Variants in ASTN2 observed in about 807,000 individuals in gnomAD.
ASTN2 encodes the protein astrotactin-2.
Under a neutral mutation model 139.8 loss-of-function variants are expected in ASTN2, and 54 were observed. The observed-to-expected ratio is 0.39, with a 90% CI of 0.31 to 0.48. The LOEUF (loss-of-function observed/expected upper bound fraction) is 0.48, where lower values mean the gene tolerates loss of function less well. ASTN2 is among the 20% of genes least tolerant of loss of function. The pLI, the probability that ASTN2 is intolerant of heterozygous loss-of-function variation, is 0.95. For missense variants in ASTN2, 1,565 were observed against 1,725.1 expected, an observed-to-expected ratio of 0.91 and a Z score of 1.64; for synonymous variants, 756 against 719.5, an observed-to-expected ratio of 1.05 and a Z score of -0.81.
chr9:117,028,062 C>A (rs1027330898), intron 6 of ASTN2, among the ~76,000 whole-genome samples: 1 of 152,158 alleles, frequency 6.6e-6, no homozygotes, highest in Non-Finnish European at 1.5e-5. Context: ...ACCTCACCCA[C>A]CTTTAATGCT....
intron 16 of ASTN2, among the ~76,000 whole-genome samples, chr9:116,673,430 G>C (rs1859317026): frequency 1.3e-5 from 2 of 152,174 alleles, no homozygotes; most frequent in Non-Finnish European, 2.9e-5. Context: ...TAAGCTCAAA[G>C]GGTGGTGTTA....
chr9:117,243,840 A>T (rs1833286797), intron 2 of ASTN2, among the ~76,000 whole-genome samples: 1 of 152,130 alleles, frequency 6.6e-6, no homozygotes, highest in African/African-American at 2.4e-5. Context: ...TGGCTACCCA[A>T]TATGCATTTC....
chr9:116,973,651 G>A (rs2132522477), intron 10 of ASTN2, among the ~76,000 whole-genome samples: 1 of 152,266 alleles, frequency 6.6e-6, no homozygotes, highest in Middle Eastern at 3.4e-3. Flanking sequence ...GATGGTCCTT[G>A]CTTTATCTTT....
intron 10 of ASTN2, among the ~76,000 whole-genome samples, chr9:116,902,850 G>GT (rs1412818572): frequency 6.6e-6 from 1 of 151,974 alleles, no homozygotes; most frequent in Non-Finnish European, 1.5e-5. Context: ...AGGAGTAAAT[G>GT]TTTTTTTACT....
intron 22 of ASTN2, among the ~76,000 whole-genome samples, chr9:116,432,936 G>A (rs550049078): frequency 9.2e-5 from 14 of 151,792 alleles, no homozygotes; most frequent in African/African-American, 3.4e-4. Context: ...TCTTGGGGAA[G>A]GAAGGAAGGA....
chr9:116,998,658 A>C (rs1837093113), intron 7 of ASTN2, among the ~76,000 whole-genome samples: 1 of 152,164 alleles, frequency 6.6e-6, no homozygotes, highest in Admixed American at 6.6e-5. Flanking sequence ...TACAGCAATA[A>C]ACAAGGTGAG....
chr9:116,697,698 G>C, intron 16 of ASTN2: 1 of 1,611,618 alleles, frequency 6.2e-7, no homozygotes, highest in Non-Finnish European at 8.5e-7. Flanking sequence ...ATACTGTGCT[G>C]TTCAGTTCTG....
chr9:117,232,061 G>A (rs1459213416), intron 2 of ASTN2, among the ~76,000 whole-genome samples: 1 of 151,864 alleles, frequency 6.6e-6, no homozygotes, highest in Non-Finnish European at 1.5e-5. Flanking sequence ...ACCTCCATGG[G>A]GCTGTATAAC....
intron 10 of ASTN2, among the ~76,000 whole-genome samples, chr9:116,915,315 C>T (rs911316045): frequency 6.6e-6 from 1 of 152,182 alleles, no homozygotes; most frequent in Non-Finnish European, 1.5e-5. Context: ...CACAAGGTCT[C>T]AAAGTTGACT....
intron 1 of ASTN2, among the ~76,000 whole-genome samples, chr9:117,377,704 A>C (rs996375220): frequency 4.7e-5 from 4 of 85,564 alleles, no homozygotes; most frequent in Non-Finnish European, 1.0e-4. Flanking sequence ...ACTTTTAATA[A>C]CATAAATGTC....
intron 3 of ASTN2, among the ~76,000 whole-genome samples, chr9:117,195,243 T>C (rs2132978017): frequency 6.6e-6 from 1 of 152,234 alleles, no homozygotes; most frequent in East Asian, 1.9e-4. Flanking sequence ...GAGATCAGAA[T>C]GATGAGAGAG....
intron 1 of ASTN2, among the ~76,000 whole-genome samples, chr9:117,398,816 C>G (rs1056579286): frequency 6.6e-6 from 1 of 152,216 alleles, no homozygotes; most frequent in African/African-American, 2.4e-5. Context: ...GAGTCTTGCT[C>G]TGCCACCCAA....
At chr9:117,071,297 G>C (rs1008289244) in intron 5 of ASTN2, among the ~76,000 whole-genome samples, 2 of 151,516 alleles carry the variant, frequency 1.3e-5, no homozygotes, top group Non-Finnish European at 2.9e-5. Context: ...GCCCCTGCTG[G>C]GGGGTGCCTC....
chr9:116,667,614 C>T (rs1003870140), intron 16 of ASTN2, among the ~76,000 whole-genome samples: 1 of 152,010 alleles, frequency 6.6e-6, no homozygotes, highest in Non-Finnish European at 1.5e-5. Flanking sequence ...AAGACGGCTG[C>T]CAGATTACAC....
At chr9:117,113,528 T>C (rs1008884032) in intron 4 of ASTN2, among the ~76,000 whole-genome samples, 1 of 152,082 alleles carries the variant, frequency 6.6e-6, no homozygotes, top group African/African-American at 2.4e-5. Context: ...TGGTGGCAGG[T>C]GCCTGTAATC....
intron 19 of ASTN2, among the ~76,000 whole-genome samples, chr9:116,491,278 T>C (rs1286708276): frequency 6.6e-6 from 1 of 152,220 alleles, no homozygotes; most frequent in Non-Finnish European, 1.5e-5. Flanking sequence ...CACAGCAATC[T>C]AACAAGTTAG....
intron 19 of ASTN2, among the ~76,000 whole-genome samples, chr9:116,497,358 TTATCGAAC>T: frequency 6.6e-6 from 1 of 152,242 alleles, no homozygotes. Flanking sequence ...TCACAAGCAG[TTATCGAAC>T]ACCCTCTAGG....
At chr9:117,062,335 G>A (rs1839318368) in intron 5 of ASTN2, among the ~76,000 whole-genome samples, 1 of 152,106 alleles carries the variant, frequency 6.6e-6, no homozygotes, top group South Asian at 2.1e-4. Context: ...ACAACACTTA[G>A]GACCTAAAAA....
intron 19 of ASTN2, among the ~76,000 whole-genome samples, chr9:116,609,036 G>C (rs1458205963): frequency 6.6e-6 from 1 of 151,750 alleles, no homozygotes; most frequent in Non-Finnish European, 1.5e-5. Context: ...TATCCAAAAT[G>C]GAATACAGAG....
Sources: allele counts gnomAD v4.1 joint callset (sites outside exome capture counted in the v4.1 genomes callset), GRCh38; gene constraint gnomAD v4.1.1; transcripts MANE v1.5; gene names NCBI Gene and HGNC (gene_info 2026-07-23, HGNC 2026-07-21).